Variants in RFX3 observed in about 807,000 individuals in gnomAD.
The protein encoded by RFX3 is transcription factor RFX3.
In RFX3, 14 loss-of-function variants were observed where a neutral mutation model predicts 98.6. The observed-to-expected ratio is 0.14, with a 90% CI of 0.09 to 0.22. The LOEUF (loss-of-function observed/expected upper bound fraction) is 0.22, where lower values mean the gene tolerates loss of function less well. RFX3 is among the 10% of genes least tolerant of loss of function. The pLI is 1.00. For synonymous variants in RFX3, 383 were observed against 328.4 expected (o/e 1.17, Z -1.80); for missense variants, 639 against 926.9 (o/e 0.69, Z 4.03).
Position 3,419,678 on chromosome 9 carries a change from T to C in RFX3, c.-8-24082A>G, listed in dbSNP as rs192484546. ...GCAGGGTATTGCTTCCAGGATCCCC[T>C]GAGGATACAAAGATCCATGGATGCT... is the stretch of plus-strand genomic sequence containing the variant. On this transcript the variant is annotated intron_variant, in intron 1 of 16. Coordinates refer to ENST00000617270, the MANE Select transcript of RFX3 (RefSeq NM_001282116.2). Among the ~76,000 whole-genome samples the C allele has an allele frequency of 4.9e-3, 741 of 152,336 alleles. 2 individuals carry two copies. The highest frequency in any genetic ancestry group is 8.7e-3 in the Non-Finnish European group (595 of 68,016).
chr9:3,339,704 G>T (rs1031136858), intron 3 of RFX3, among the ~76,000 whole-genome samples: 8 of 152,076 alleles, frequency 5.3e-5, no homozygotes, highest in Admixed American at 5.2e-4. Flanking sequence ...ATTCTAGTGG[G>T]GGAGAGACAA....
chr9:3,355,256 T>C (rs1835612670), intron 2 of RFX3, among the ~76,000 whole-genome samples: 1 of 151,906 alleles, frequency 6.6e-6, no homozygotes, highest in East Asian at 1.9e-4. Flanking sequence ...ACAAGATTCA[T>C]ATCCTAATTG....
At chr9:3,325,944 C>G (rs905372677) in intron 4 of RFX3, among the ~76,000 whole-genome samples, 3 of 152,086 alleles carry the variant, frequency 2.0e-5, no homozygotes, top group African/African-American at 4.8e-5. Flanking sequence ...AGAATTATGA[C>G]TGTAGCCAAT....
intron 1 of RFX3, among the ~76,000 whole-genome samples, chr9:3,472,558 C>T (rs1423457576): frequency 6.6e-6 from 1 of 152,092 alleles, no homozygotes; most frequent in Non-Finnish European, 1.5e-5. Context: ...CTCCAGACAG[C>T]AAAGTATAAT....
At chr9:3,341,616 C>G (rs1228425271) in intron 3 of RFX3, among the ~76,000 whole-genome samples, 3 of 152,018 alleles carry the variant, frequency 2.0e-5, no homozygotes, top group Non-Finnish European at 4.4e-5. Context: ...CATTAAATGC[C>G]AATTTTATTT....
intron 11 of RFX3, among the ~76,000 whole-genome samples, chr9:3,268,474 A>G (rs1823949215): frequency 6.6e-6 from 1 of 151,566 alleles, no homozygotes; most frequent in Non-Finnish European, 1.5e-5. Context: ...AAATGCATAC[A>G]AGCAGAAGAT....
chr9:3,323,971 G>A (rs1016214534), intron 4 of RFX3: 4 of 417,842 alleles, frequency 9.6e-6, no homozygotes, highest in East Asian at 7.3e-5. Flanking sequence ...GTCATTCAAA[G>A]TCCCATTTTA....
intron 4 of RFX3, among the ~76,000 whole-genome samples, chr9:3,314,708 A>G (rs908572331): frequency 1.3e-5 from 2 of 152,192 alleles, no homozygotes; most frequent in Admixed American, 1.3e-4. Flanking sequence ...ACAAAAAAAA[A>G]AGCAGGGGTT....
chr9:3,417,098 AAG>A (rs1355034316), intron 1 of RFX3, among the ~76,000 whole-genome samples: 4 of 152,028 alleles, frequency 2.6e-5, no homozygotes, highest in Non-Finnish European at 5.9e-5. Context: ...TACCAGGAAT[AAG>A]AGGAGTCATT....
At chr9:3,316,602 G>T (rs1830624202) in intron 4 of RFX3, among the ~76,000 whole-genome samples, 1 of 152,166 alleles carries the variant, frequency 6.6e-6, no homozygotes, top group Non-Finnish European at 1.5e-5. Flanking sequence ...GTTTGCAGAT[G>T]ACATGATTGT....
At chr9:3,511,503 T>A (rs1475646045) in intron 1 of RFX3, among the ~76,000 whole-genome samples, 1 of 152,050 alleles carries the variant, frequency 6.6e-6, no homozygotes, top group African/African-American at 2.4e-5. Flanking sequence ...AGTGATATCA[T>A]AAACTATCAG....
chr9:3,265,930 A>G (rs1032349713), intron 12 of RFX3, among the ~76,000 whole-genome samples: 1 of 152,134 alleles, frequency 6.6e-6, no homozygotes. Context: ...GATATAATTT[A>G]GAATATATAT....
rs894102703 is a variant in RFX3, at chr9:3,296,350, T to C, written c.550-3092A>G. On this transcript the variant is annotated intron_variant, in intron 5 of 16. Transcript: ENST00000617270. ...CTAAATGATATTACTTATATCCCAATTGAATAATTTACAAGAAGTGAAGCT... is the reference window on the plus strand; with the variant it reads ...CTAAATGATATTACTTATATCCCAACTGAATAATTTACAAGAAGTGAAGCT... Among the ~76,000 whole-genome samples, 19 of 152,068 alleles carry C rather than the reference T, an allele frequency of 1.2e-4. No individual in the cohort carries two copies. In the East Asian group the frequency reaches 1.4e-3, roughly 11 times the overall value.
chr9:3,328,540 A>G (rs1587095061), intron 4 of RFX3, among the ~76,000 whole-genome samples: 1 of 152,180 alleles, frequency 6.6e-6, no homozygotes, highest in African/African-American at 2.4e-5. Context: ...TAAAAGGAAG[A>G]GACAACAAAT....
At chr9:3,351,867 C>T (rs902447745) in intron 2 of RFX3, among the ~76,000 whole-genome samples, 1 of 151,810 alleles carries the variant, frequency 6.6e-6, no homozygotes, top group South Asian at 2.1e-4. Context: ...TAAATAGGTT[C>T]TTTAGGCAAT....
rs569324894 is a variant in RFX3, at chr9:3,288,710, T to C, written c.732-460A>G. Among the ~76,000 whole-genome samples, 15 of 152,276 alleles carry C rather than the reference T, an allele frequency of 9.9e-5. No individual in the cohort carries two copies. The South Asian group carries it at 1.4e-3, about 15-fold the overall frequency. On this transcript the variant is annotated intron_variant, in intron 6 of 16. Coordinates refer to ENST00000617270, the MANE Select transcript of RFX3 (RefSeq NM_001282116.2). The stretch of plus-strand genomic sequence containing the variant: ...AGAAAAAATCTTAATTCTACTTTCC[T>C]GGATAAGTTTGACATTTTTCTCTTT...
chr9:3,443,033 A>C (rs1482613694), intron 1 of RFX3, among the ~76,000 whole-genome samples: 3 of 152,194 alleles, frequency 2.0e-5, no homozygotes, highest in Non-Finnish European at 2.9e-5. Context: ...AATAATAAAC[A>C]ACCTGATTAA....
rs541710108 is a variant in RFX3 at position 3,312,254 on chromosome 9, G to C, written c.475-10634C>G. Among the ~76,000 whole-genome samples the C allele has an allele frequency of 5.9e-5, 9 of 152,308 alleles. No individual in the cohort carries two copies. In the South Asian group the frequency reaches 6.2e-4, roughly 11 times the overall value. ...AATATATGTATGTACATATGAGTGA[G>C]TATTGGGCCACAATGTAAAGGTATT... On this transcript the variant is annotated intron_variant, in intron 4 of 16. Transcript: ENST00000617270.
chr9:3,244,513 C>T (rs1427155272), intron 15 of RFX3, among the ~76,000 whole-genome samples: 2 of 152,112 alleles, frequency 1.3e-5, no homozygotes, highest in African/African-American at 4.8e-5. Context: ...TTTGGTCTCC[C>T]TGGTGCTTGA....
Sources: gnomAD v4.1 joint callset for allele counts (sites outside exome capture counted in the v4.1 genomes callset) on GRCh38, gnomAD v4.1.1 for gene constraint, MANE v1.5 for transcripts, NCBI Gene and HGNC (gene_info 2026-07-23, HGNC 2026-07-21) for gene names.